Variants in UNC79 observed in about 807,000 individuals in gnomAD.
UNC79 encodes unc-79 subunit of NALCN channel complex.
UNC79 carries 37 observed loss-of-function variants against 283.1 expected under a neutral mutation model. The observed-to-expected ratio is 0.13, with a 90% CI of 0.10 to 0.17. The LOEUF (loss-of-function observed/expected upper bound fraction) is 0.17, where lower values mean the gene tolerates loss of function less well. Among genes scored for constraint, UNC79 ranks in the 10% least tolerant of loss-of-function variants. UNC79 has a pLI of 1.00. For missense variants in UNC79, 2,272 were observed against 3,211.1 expected, an observed-to-expected ratio of 0.71 and a Z score of 7.07; for synonymous variants, 1,107 against 1,200.2, an observed-to-expected ratio of 0.92 and a Z score of 1.61.
intron 1 of UNC79, among the ~76,000 whole-genome samples, chr14:93,400,560 C>G (rs1055488481): frequency 3.9e-5 from 6 of 152,056 alleles, no homozygotes; most frequent in African/African-American, 1.5e-4. Flanking sequence ...AGTAATTGAG[C>G]AGAATAAAGA....
At chr14:93,517,632 A>G (rs1222635435) in intron 7 of UNC79, among the ~76,000 whole-genome samples, 1 of 151,318 alleles carries the variant, frequency 6.6e-6, no homozygotes, top group Non-Finnish European at 1.5e-5. Context: ...AATTACATTG[A>G]TTTTCTTGGC....
intron 43 of UNC79, among the ~76,000 whole-genome samples, chr14:93,687,900 T>C (rs2074374907): frequency 6.6e-6 from 1 of 152,204 alleles, no homozygotes; most frequent in South Asian, 2.1e-4. Context: ...ACAGACATAA[T>C]CTCACCCTCT....
chr14:93,445,742 C>T (rs2056441838), intron 1 of UNC79, among the ~76,000 whole-genome samples: 1 of 151,950 alleles, frequency 6.6e-6, no homozygotes. Flanking sequence ...CCTGGAGGTT[C>T]TTTTTTTGGG....
intron 23 of UNC79, 47 bp downstream of exon 23, chr14:93,593,884 G>C (rs762698793): frequency 6.6e-7 from 1 of 1,512,184 alleles, no homozygotes; most frequent in Non-Finnish European, 8.9e-7. Flanking sequence ...CACAGTACAC[G>C]GGTGTCTGGT....
At chr14:93,390,988 T>A (rs1353650372) in intron 1 of UNC79, among the ~76,000 whole-genome samples, 1 of 152,206 alleles carries the variant, frequency 6.6e-6, no homozygotes, top group Non-Finnish European at 1.5e-5. Context: ...ATTTGAAAAT[T>A]AAAAGATCAA....
intron 10 of UNC79, among the ~76,000 whole-genome samples, chr14:93,530,027 G>A (rs1176690600): frequency 6.6e-6 from 1 of 152,176 alleles, no homozygotes; most frequent in South Asian, 2.1e-4. Context: ...AAGAGCTGCA[G>A]GCATACTAAG....
chr14:93,584,684 T>G (rs1477971911), intron 20 of UNC79, among the ~76,000 whole-genome samples: 1 of 152,178 alleles, frequency 6.6e-6, no homozygotes, highest in Non-Finnish European at 1.5e-5. Context: ...ATGGTTAAAA[T>G]TAAGCAATTT....
At chr14:93,574,508 A>T (rs1566682064) in intron 16 of UNC79, among the ~76,000 whole-genome samples, 1 of 152,254 alleles carries the variant, frequency 6.6e-6, no homozygotes, top group African/African-American at 2.4e-5. Context: ...TTAGATAATT[A>T]AACAGAAGAA....
At chr14:93,413,031 A>AT (rs1014063108) in intron 1 of UNC79, among the ~76,000 whole-genome samples, 41 of 151,970 alleles carry the variant, frequency 2.7e-4, no homozygotes, top group Non-Finnish European at 4.0e-4. Flanking sequence ...GACAACTCTT[A>AT]TTTTTTTTAT....
chr14:93,459,369 ATT>A (rs1344587269), intron 1 of UNC79, among the ~76,000 whole-genome samples: 2 of 152,186 alleles, frequency 1.3e-5, no homozygotes, highest in Non-Finnish European at 2.9e-5. Flanking sequence ...TTTGTTTTGT[ATT>A]TTCTAAGAAA....
intron 47 of UNC79, among the ~76,000 whole-genome samples, chr14:93,700,327 A>G (rs983372811): frequency 6.6e-6 from 1 of 152,034 alleles, no homozygotes; most frequent in Non-Finnish European, 1.5e-5. Context: ...TTAGATTTGG[A>G]AAAATATCAG....
intron 14 of UNC79, among the ~76,000 whole-genome samples, chr14:93,561,609 G>T (rs1485362889): frequency 6.6e-6 from 1 of 152,126 alleles, no homozygotes; most frequent in Non-Finnish European, 1.5e-5. Flanking sequence ...TTGATAGTGT[G>T]GTGGAGATAG....
Position 93,575,208 on chromosome 14 carries a change from G to T in UNC79, c.2211+10G>T, listed in dbSNP as rs763058087. 6.2e-7 allele frequency: 1 copy of T among 1,613,314 alleles called. No homozygotes were observed. Among genetic ancestry groups the T allele is most frequent in the Admixed American group, 1.7e-5 (1 of 59,884 alleles). On this transcript the variant is annotated intron_variant, in intron 17 of 48. Transcript: ENST00000555664. ...CCTTGCATCTCGAAGGGTAATTATT[G>T]CCACATTTGTTCTTGTCTTGCTTTT...
At chr14:93,645,602 A>G (rs2069512001) in intron 34 of UNC79, among the ~76,000 whole-genome samples, 1 of 152,152 alleles carries the variant, frequency 6.6e-6, no homozygotes, top group Non-Finnish European at 1.5e-5. Context: ...CAGCAATTCC[A>G]AGAGTTTGTA....
intron 1 of UNC79, among the ~76,000 whole-genome samples, chr14:93,349,431 G>A (rs960620652): frequency 7.9e-5 from 12 of 152,126 alleles, no homozygotes; most frequent in Admixed American, 6.6e-4. Context: ...GTCCCTCCCC[G>A]AGTTCCTCAC....
chr14:93,571,050 T>G (rs1405093627), intron 14 of UNC79, among the ~76,000 whole-genome samples: 11 of 152,216 alleles, frequency 7.2e-5, no homozygotes, highest in Non-Finnish European at 1.2e-4. Flanking sequence ...TTGGTCAATA[T>G]GGCACCAAAT....
intron 47 of UNC79, among the ~76,000 whole-genome samples, chr14:93,699,503 C>T (rs576588317): frequency 1.3e-5 from 2 of 152,106 alleles, no homozygotes; most frequent in South Asian, 4.2e-4. Context: ...TGTTAATTTC[C>T]AGTTTGGTTT....
intron 5 of UNC79, among the ~76,000 whole-genome samples, chr14:93,488,621 T>C (rs2140478143): frequency 6.6e-6 from 1 of 152,326 alleles, no homozygotes; most frequent in Admixed American, 6.5e-5. Context: ...ATCTTCTGTC[T>C]TAGTCCGTTG....
At chr14:93,402,787 GTATACT>G (rs2055137463) in intron 1 of UNC79, among the ~76,000 whole-genome samples, 1 of 152,076 alleles carries the variant, frequency 6.6e-6, no homozygotes, top group South Asian at 2.1e-4. Context: ...AAGTAGACTC[GTATACT>G]TGTGGTTCCC....
Sources: gnomAD v4.1 joint callset for allele counts (sites outside exome capture counted in the v4.1 genomes callset) on GRCh38, gnomAD v4.1.1 for gene constraint, MANE v1.5 for transcripts, NCBI Gene and HGNC (gene_info 2026-07-23, HGNC 2026-07-21) for gene names.